The following PNPLA1 variants were observed in gnomAD, a reference collection of about 807,000 sequenced individuals.
PNPLA1 encodes the protein patatin like domain 1, omega-hydroxyceramide transacylase, also known as omega-hydroxyceramide transacylase.
In PNPLA1, 36 loss-of-function variants were observed where a neutral mutation model predicts 51.7. The observed-to-expected ratio is 0.70, with a 90% CI of 0.53 to 0.92. PNPLA1 has a LOEUF of 0.92. Ranked by LOEUF, PNPLA1 falls within the 40% of genes least tolerant of loss-of-function variation. PNPLA1 has a pLI of 0.00. For synonymous variants in PNPLA1, 293 were observed against 280.1 expected (o/e 1.05, Z -0.46); for missense variants, 658 against 682.5 (o/e 0.96, Z 0.40).
At chr6:36,248,493 T>G (rs1227393467) in intron 1 of PNPLA1, among the ~76,000 whole-genome samples, 1 of 152,080 alleles carries the variant, frequency 6.6e-6, no homozygotes, top group African/African-American at 2.4e-5. Flanking sequence ...CTTACCTAGG[T>G]GTCTTAAATG....
chr6:36,302,352 C>T lies in PNPLA1; in HGVS notation c.1267C>T (p.Pro423Ser). 6.2e-7 allele frequency: 1 copy of T among 1,611,982 alleles called. No homozygotes were observed. The highest frequency in any genetic ancestry group is 8.5e-7 in the Non-Finnish European group (1 of 1,178,544). The stretch of plus-strand genomic sequence containing the variant: ...CCTACACTCTCAGGCACCCACTTCA[C>T]CCAGGCCATCCCTGGGGCCTTCAAC... ...RSLHSQAPTS[P>S]RPSLGPSTVG... The change falls in exon 6 of 9, where the codon CCC becomes TCC. Residue 423 changes from proline (P) to serine (S), a missense_variant. Coordinates refer to ENST00000636260, the MANE Select transcript of PNPLA1 (RefSeq NM_001374623.1).
Position 36,283,867 on chromosome 6 carries a change from G to A in PNPLA1, c.206-7453G>A, listed in dbSNP as rs115112185. ...TTGGTAGTGCATGGAGAATCTGTAC[G>A]GCAGGATAGGCCACAGCCTAGATGA... On this transcript the variant is annotated intron_variant, in intron 1 of 8. Transcript: ENST00000636260. 4.7e-3 allele frequency among the ~76,000 whole-genome samples: 710 copies of A among 152,296 alleles called. 7 individuals carry two copies. Among genetic ancestry groups the A allele is most frequent in the African/African-American group, 0.016 (682 of 41,548 alleles).
upstream of PNPLA1, among the ~76,000 whole-genome samples, chr6:36,265,990 C>G (rs997952221): frequency 4.6e-5 from 7 of 152,220 alleles, no homozygotes; most frequent in African/African-American, 1.4e-4. Flanking sequence ...CTCTCCTTCC[C>G]TCATTCTCTC....
At chr6:36,270,814 C>A in intron 1 of PNPLA1, 150 bp downstream of exon 1, 1 of 961,734 alleles carries the variant, frequency 1.0e-6, no homozygotes. Flanking sequence ...AGTAGGATAG[C>A]GGCAGCTGTG....
At chr6:36,243,669 G>A (rs1352302645) in intron 1 of PNPLA1, among the ~76,000 whole-genome samples, 1 of 152,148 alleles carries the variant, frequency 6.6e-6, no homozygotes, top group Non-Finnish European at 1.5e-5. Context: ...AGTCTGCAGG[G>A]GGCTTTGCTC....
intron 1 of PNPLA1, among the ~76,000 whole-genome samples, chr6:36,244,112 C>T (rs1257557569): frequency 1.3e-5 from 2 of 152,132 alleles, no homozygotes; most frequent in African/African-American, 4.8e-5. Context: ...TTCTTTCTCT[C>T]CCTTCCTCTT....
chr6:36,300,161 T>TTGTGTGTGTG (rs145503312), intron 5 of PNPLA1, among the ~76,000 whole-genome samples: 15 of 103,028 alleles, frequency 1.5e-4, no homozygotes, highest in East Asian at 8.6e-4. Context: ...TTTCTTATTC[T>TTGTGTGTGTG]TGTGTGTGTG....
In PNPLA1 at chr6:36,306,360, A is replaced by G; in HGVS notation, c.1453A>G (p.Ser485Gly). 3.1e-6 allele frequency: 5 copies of G among 1,613,012 alleles called. No homozygotes were observed. The highest frequency in any genetic ancestry group is 4.2e-6 in the Non-Finnish European group (5 of 1,179,634). ...VPLVHVKETV[S>G]KPYVTESPAE... ...TCTGGTTCATGTGAAGGAAACCGTC[A>G]GCAAGCCTTATGTAACGTAAGTTTC... is the stretch of plus-strand genomic sequence containing the variant. Residue 485 changes from serine (S) to glycine (G), a missense_variant, in exon 7 of 9, where the codon AGC (serine) becomes GGC (glycine). Transcript: ENST00000636260.
intron 1 of PNPLA1, among the ~76,000 whole-genome samples, chr6:36,277,463 A>G (rs1372532096): frequency 1.3e-5 from 2 of 152,210 alleles, no homozygotes; most frequent in Non-Finnish European, 2.9e-5. Context: ...GAAGGGGAGA[A>G]TGGGTATTGG....
At chr6:36,292,896 G>A (rs1303452199) in intron 2 of PNPLA1, among the ~76,000 whole-genome samples, 165 bp from the exon 3 acceptor site, 1 of 152,214 alleles carries the variant, frequency 6.6e-6, no homozygotes, top group Non-Finnish European at 1.5e-5. Flanking sequence ...AATTAGTGAA[G>A]GCCAGGCCAG....
At chr6:36,257,903 T>C (rs1769563927) in intron 1 of PNPLA1, among the ~76,000 whole-genome samples, 1 of 152,230 alleles carries the variant, frequency 6.6e-6, no homozygotes, top group Non-Finnish European at 1.5e-5. Flanking sequence ...ACTGTTTGTG[T>C]TTATTTGTTT....
chr6:36,287,181 T>C (rs893116213), intron 1 of PNPLA1, among the ~76,000 whole-genome samples: 4 of 152,202 alleles, frequency 2.6e-5, no homozygotes, highest in Non-Finnish European at 5.9e-5. Context: ...CTCAGGTTTT[T>C]ATATTCCGTT....
chr6:36,280,591 T>A (rs530630078), intron 1 of PNPLA1, among the ~76,000 whole-genome samples: 61 of 152,170 alleles, frequency 4.0e-4, no homozygotes, highest in Middle Eastern at 6.8e-3. Context: ...TAAGCAGAGG[T>A]CTCATTTCAC....
At chr6:36,288,152 A>T (rs748960718) in intron 1 of PNPLA1, among the ~76,000 whole-genome samples, 22 of 152,194 alleles carry the variant, frequency 1.4e-4, no homozygotes, top group Non-Finnish European at 2.9e-4. Flanking sequence ...CACTTCTAGG[A>T]ATTTATCCTA....
At position 36,245,872 on chromosome 6, in the gene PNPLA1, G is replaced by A. The variant is rs369092668; in HGVS notation, c.-81+2611G>A. On this transcript the variant is annotated intron_variant, in intron 1 of 7. Coordinates refer to the PNPLA1 transcript ENST00000312917. ...GACTCCCCGCACAGTTTCACTCCCC[G>A]CCCCCCGCCACACTGCCTCCCAGCG... Among the ~76,000 whole-genome samples the A allele has an allele frequency of 2.0e-4, 30 of 152,172 alleles. No individual in the cohort carries two copies. The East Asian group carries it at 5.0e-3, about 25-fold the overall frequency.
At chr6:36,299,481 C>T (rs1210341260) in intron 5 of PNPLA1, among the ~76,000 whole-genome samples, 2 of 151,978 alleles carry the variant, frequency 1.3e-5, no homozygotes, top group African/African-American at 2.4e-5. Context: ...ACTACAGGCG[C>T]CCGCTACCAC....
chr6:36,248,223 G>T lies in PNPLA1; in HGVS notation c.-81+4962G>T, dbSNP rs530217112. The stretch of plus-strand genomic sequence containing the variant: ...TTAAAAAAATAATAATAAAATAAAA[G>T]AAAAATGCAGTGGAGAACAGATATA... On this transcript the variant is annotated intron_variant, in intron 1 of 7. Transcript: ENST00000312917. 3.9e-5 allele frequency among the ~76,000 whole-genome samples: 6 copies of T among 152,234 alleles called. No homozygotes were observed. In the South Asian group the frequency reaches 8.3e-4, roughly 21 times the overall value.
intron 1 of PNPLA1, among the ~76,000 whole-genome samples, chr6:36,287,966 G>A (rs1383906950): frequency 1.3e-5 from 2 of 152,218 alleles, no homozygotes; most frequent in African/African-American, 4.8e-5. Flanking sequence ...ATTTTCAGAT[G>A]TGAGTACTTT....
intron 1 of PNPLA1, among the ~76,000 whole-genome samples, chr6:36,281,449 C>T (rs535864834): frequency 2.2e-4 from 33 of 152,288 alleles, no homozygotes; most frequent in Non-Finnish European, 4.0e-4. Context: ...TGCCAGGTCC[C>T]GTGCTAAGTG....
Sources: allele counts gnomAD v4.1 joint callset (sites outside exome capture counted in the v4.1 genomes callset), GRCh38; gene constraint gnomAD v4.1.1; transcripts MANE v1.5; gene names NCBI Gene and HGNC (gene_info 2026-07-23, HGNC 2026-07-21).